Variants in ZMIZ1 observed in about 807,000 individuals in gnomAD.
ZMIZ1 encodes the protein zinc finger MIZ domain-containing protein 1.
Under a neutral mutation model 113.9 loss-of-function variants are expected in ZMIZ1, and 17 were observed. The observed-to-expected ratio is 0.15, with a 90% confidence interval of 0.10 to 0.22. The LOEUF (loss-of-function observed/expected upper bound fraction) is 0.22. Ranked by LOEUF, ZMIZ1 falls within the 10% of genes least tolerant of loss-of-function variation. ZMIZ1 has a pLI of 1.00. For missense variants in ZMIZ1, 1,059 were observed against 1,477.8 expected, an observed-to-expected ratio of 0.72 and a Z score of 4.65; for synonymous variants, 607 against 603.1, an observed-to-expected ratio of 1.01 and a Z score of -0.09.
intron 2 of ZMIZ1, among the ~76,000 whole-genome samples, chr10:79,135,582 T>A (rs1844965491): frequency 1.3e-5 from 2 of 152,112 alleles, no homozygotes; most frequent in South Asian, 4.2e-4. Context: ...TCCTGGCCAA[T>A]CTGAAAATGC....
At chr10:79,223,531 C>T (rs1408327576) in intron 7 of ZMIZ1, among the ~76,000 whole-genome samples, 5 of 152,250 alleles carry the variant, frequency 3.3e-5, no homozygotes, top group Admixed American at 3.3e-4. Flanking sequence ...TTTCATCACC[C>T]GGCCCTCTCA....
chr10:79,285,901 G>A (rs1030370363), intron 8 of ZMIZ1, among the ~76,000 whole-genome samples: 1 of 152,246 alleles, frequency 6.6e-6, no homozygotes, highest in East Asian at 1.9e-4. Context: ...GATGGAACTT[G>A]CCAGCCTGAG....
chr10:79,073,913 C>T (rs751225392), intron 1 of ZMIZ1, among the ~76,000 whole-genome samples: 2 of 152,128 alleles, frequency 1.3e-5, no homozygotes, highest in Non-Finnish European at 2.9e-5. Context: ...CTGGGAGAGA[C>T]CAGAACTGTG....
chr10:79,210,064 G>A (rs940363387), intron 6 of ZMIZ1, among the ~76,000 whole-genome samples: 43 of 152,166 alleles, frequency 2.8e-4, no homozygotes, highest in African/African-American at 1.0e-3. Context: ...CGCCCCCCCA[G>A]CCCCCTAATC....
chr10:79,231,868 G>A (rs529588509), intron 7 of ZMIZ1, among the ~76,000 whole-genome samples: 39 of 152,334 alleles, frequency 2.6e-4, no homozygotes, highest in Middle Eastern at 3.4e-3. Context: ...ATGAGCCACC[G>A]TGCCCGGTCA....
At chr10:79,233,734 G>T (rs1402122549) in intron 7 of ZMIZ1, among the ~76,000 whole-genome samples, 1 of 151,394 alleles carries the variant, frequency 6.6e-6, no homozygotes, top group Non-Finnish European at 1.5e-5. Flanking sequence ...TTCATCAGCA[G>T]GGGCCTGGCT....
At position 79,305,613 on chromosome 10, in the gene ZMIZ1, C is replaced by T; in HGVS notation, c.2423+12C>T. Reference sequence around the variant, plus strand: ...AATGCCATCCAACAGTAAGTGGGGCCCTAGCGAGGGGCAGGGGGTGGGAGG... The same window carrying T: ...AATGCCATCCAACAGTAAGTGGGGCTCTAGCGAGGGGCAGGGGGTGGGAGG... On this transcript the variant is annotated intron_variant, in intron 21 of 24. Transcript: ENST00000334512. 2 of 1,610,488 alleles carry T rather than the reference C, an allele frequency of 1.2e-6. No individual in the cohort carries two copies. Among genetic ancestry groups the T allele is most frequent in the South Asian group, 1.1e-5 (1 of 90,966 alleles).
chr10:79,213,085 T>C (rs1848586820), intron 6 of ZMIZ1, among the ~76,000 whole-genome samples: 2 of 151,992 alleles, frequency 1.3e-5, no homozygotes, highest in South Asian at 4.2e-4. Flanking sequence ...CAGCAGTACC[T>C]GGACAGCCAA....
chr10:79,261,947 C>A (rs1440084397), intron 7 of ZMIZ1, among the ~76,000 whole-genome samples: 2 of 152,140 alleles, frequency 1.3e-5, no homozygotes, highest in African/African-American at 4.8e-5. Context: ...TGTAAGAGTC[C>A]TTTCTCCTGT....
At chr10:79,081,150 C>T (rs888785984) in intron 1 of ZMIZ1, among the ~76,000 whole-genome samples, 1 of 151,708 alleles carries the variant, frequency 6.6e-6, no homozygotes, top group African/African-American at 2.4e-5. Context: ...GGATACCTCT[C>T]CCCTAGTTCT....
intron 1 of ZMIZ1, among the ~76,000 whole-genome samples, chr10:79,099,410 C>G (rs1843280392): frequency 1.3e-5 from 2 of 152,212 alleles, no homozygotes; most frequent in Admixed American, 6.5e-5. Context: ...CCAGGATGTA[C>G]TCCTGGCTGG....
At position 79,306,104 on chromosome 10, in the gene ZMIZ1, G is replaced by A. The variant is rs1564604808; in HGVS notation, c.2428G>A (p.Glu810Lys). The stretch of plus-strand genomic sequence containing the variant: ...CTGCCACCCTTCCTCCCCCAGCTCC[G>A]AGTTTGAAGAGGTCACCATCGATCC... The part of the protein sequence containing the change: ...WGILNAIQHS[E>K]FEEVTIDPTC... Residue 810 changes from glutamate to lysine, a missense_variant, in exon 22 of 25, where the codon GAG becomes AAG. Coordinates refer to ENST00000334512, the MANE Select transcript of ZMIZ1 (RefSeq NM_020338.4). 13 of 1,611,592 alleles carry A rather than the reference G, an allele frequency of 8.1e-6. No homozygotes were observed. Among genetic ancestry groups the A allele is most frequent in the South Asian group, 1.1e-5 (1 of 91,078 alleles).
intron 2 of ZMIZ1, among the ~76,000 whole-genome samples, chr10:79,138,228 C>T (rs908464873): frequency 1.3e-5 from 2 of 152,222 alleles, no homozygotes; most frequent in Non-Finnish European, 2.9e-5. Context: ...AGAGGCAGTG[C>T]AAGGCCCCCA....
At chr10:79,273,254 C>T (rs562737028) in intron 7 of ZMIZ1, among the ~76,000 whole-genome samples, 2 of 152,340 alleles carry the variant, frequency 1.3e-5, no homozygotes, top group Non-Finnish European at 2.9e-5. Context: ...CCATGGGCCT[C>T]TGTGGCCAGC....
intron 2 of ZMIZ1, among the ~76,000 whole-genome samples, chr10:79,137,955 G>A (rs1321564720): frequency 6.6e-6 from 1 of 152,148 alleles, no homozygotes; most frequent in Non-Finnish European, 1.5e-5. Flanking sequence ...CCAACTGACT[G>A]TGGTAAACCG....
At chr10:79,302,997 G>A (rs1854430507) in intron 18 of ZMIZ1, among the ~76,000 whole-genome samples, 1 of 151,902 alleles carries the variant, frequency 6.6e-6, no homozygotes, top group Admixed American at 6.6e-5. Context: ...GAGTAGCTGG[G>A]ACTACAGGCG....
At chr10:79,167,008 G>A (rs1014365089) in intron 4 of ZMIZ1, among the ~76,000 whole-genome samples, 1 of 152,222 alleles carries the variant, frequency 6.6e-6, no homozygotes, top group Non-Finnish European at 1.5e-5. Context: ...GCTCCACCGT[G>A]CTGCCCCCCA....
At chr10:79,070,034 GA>G (rs1372317787) in intron 1 of ZMIZ1, among the ~76,000 whole-genome samples, 1 of 151,698 alleles carries the variant, frequency 6.6e-6, no homozygotes, top group Non-Finnish European at 1.5e-5. Flanking sequence ...TTGCAAATAC[GA>G]AAGTAATTTC....
intron 3 of ZMIZ1, among the ~76,000 whole-genome samples, chr10:79,156,412 G>A (rs1049367866): frequency 6.6e-5 from 10 of 152,118 alleles, no homozygotes; most frequent in African/African-American, 1.9e-4. Flanking sequence ...TACCAGCCAC[G>A]ACTTCCCACG....
Sources: gnomAD v4.1 joint callset for allele counts (sites outside exome capture counted in the v4.1 genomes callset) on GRCh38, gnomAD v4.1.1 for gene constraint, MANE v1.5 for transcripts, NCBI Gene and HGNC (gene_info 2026-07-23, HGNC 2026-07-21) for gene names.